The following HPS4 variants were observed in gnomAD, a reference collection of about 807,000 sequenced individuals.
The protein encoded by HPS4 is HPS4 biogenesis of lysosomal organelles complex 3 subunit 2, also known as BLOC-3 complex member HPS4.
A neutral mutation model predicts 70.3 loss-of-function variants in HPS4; 44 were observed. The observed-to-expected ratio is 0.63, with a 90% CI of 0.49 to 0.80. The LOEUF (loss-of-function observed/expected upper bound fraction) is 0.80, where lower values mean the gene tolerates loss of function less well. Among genes scored for constraint, HPS4 ranks in the 30% least tolerant of loss-of-function variants. The pLI is 0.00. For missense variants in HPS4, 873 were observed against 884.4 expected, an observed-to-expected ratio of 0.99 and a Z score of 0.16; for synonymous variants, 377 against 355.9, an observed-to-expected ratio of 1.06 and a Z score of -0.67.
chr22:26,470,373 C>A (rs916760841), intron 7 of HPS4, among the ~76,000 whole-genome samples: 2 of 152,216 alleles, frequency 1.3e-5, no homozygotes, highest in Non-Finnish European at 2.9e-5. Flanking sequence ...CACAGCAGGC[C>A]CCTTCCATGC....
chr22:26,479,904 A>C (rs1185487085), intron 2 of HPS4, among the ~76,000 whole-genome samples: 2 of 152,216 alleles, frequency 1.3e-5, no homozygotes, highest in Non-Finnish European at 2.9e-5. Context: ...TAACAGGGAA[A>C]AAACAGGGGC....
At chr22:26,479,072 A>G (rs904425531) in intron 3 of HPS4, among the ~76,000 whole-genome samples, 193 bp downstream of exon 3, 2 of 152,240 alleles carry the variant, frequency 1.3e-5, no homozygotes, top group African/African-American at 4.8e-5. Flanking sequence ...AAAGCTAAAG[A>G]CGATGAAAGT....
downstream of HPS4, among the ~76,000 whole-genome samples, chr22:26,450,807 G>A (rs1384151872): frequency 6.6e-6 from 1 of 152,200 alleles, no homozygotes; most frequent in Non-Finnish European, 1.5e-5. Context: ...GGATGTGTTT[G>A]GTTCCCCTTC....
chr22:26,471,385 G>A (rs1244505721), intron 6 of HPS4: 1 of 456,106 alleles, frequency 2.2e-6, no homozygotes, highest in Non-Finnish European at 4.4e-6. Context: ...GGGCCTAGAA[G>A]TCCCTAAAAA....
intron 4 of HPS4, among the ~76,000 whole-genome samples, chr22:26,473,477 T>TA (rs1476909569): frequency 6.6e-6 from 1 of 152,152 alleles, no homozygotes; most frequent in Admixed American, 6.5e-5. Context: ...CCACAGAAGA[T>TA]AAATACTTGG....
intron 11 of HPS4, among the ~76,000 whole-genome samples, chr22:26,462,939 T>C (rs1281079930): frequency 6.6e-6 from 1 of 152,246 alleles, no homozygotes; most frequent in Non-Finnish European, 1.5e-5. Context: ...AGGAAGCTGC[T>C]GTGCAGTCTT....
chr22:26,446,718 C>T (rs1307947441), downstream of HPS4, among the ~76,000 whole-genome samples: 1 of 152,090 alleles, frequency 6.6e-6, no homozygotes, highest in East Asian at 1.9e-4. Context: ...CTCTAGAGGA[C>T]AGTCACTGTT....
At chr22:26,470,894 G>C (rs765864973) in intron 6 of HPS4, 81 bp from the exon 7 acceptor site, 2 of 1,582,678 alleles carry the variant, frequency 1.3e-6, no homozygotes, top group Non-Finnish European at 1.7e-6. Flanking sequence ...GGGTTGTACA[G>C]AACAGCTGGA....
At position 26,477,216 on chromosome 22, in the gene HPS4, T is replaced by C. The variant is rs940621988; in HGVS notation, c.133-80A>G. On this transcript the variant is annotated intron_variant, in intron 3 of 13. Coordinates refer to ENST00000398145, the MANE Select transcript of HPS4 (RefSeq NM_022081.6). Reference sequence around the variant, plus strand: ...TCATTTCTTACAGCATACTAAAGCCTGCAAGCCAAATCCAGTCTGTTACCC... The same window carrying C: ...TCATTTCTTACAGCATACTAAAGCCCGCAAGCCAAATCCAGTCTGTTACCC... 8 of 1,490,300 alleles carry C rather than the reference T, an allele frequency of 5.4e-6. No homozygotes were observed. The South Asian group carries it at 5.7e-5, about 11-fold the overall frequency. The allele number at this position is 1,490,300 out of a possible 1,614,324, so 92.3% of individuals were successfully genotyped here. A position where few individuals can be genotyped will look rare whatever the true frequency, so the allele number is the denominator to read the frequency against.
intron 11 of HPS4, among the ~76,000 whole-genome samples, chr22:26,462,121 C>T (rs2087403251): frequency 1.2e-5 from 1 of 85,150 alleles, no homozygotes; most frequent in African/African-American, 4.0e-5. Flanking sequence ...AGCGGAACTC[C>T]ATCTCAAAAA....
intron 3 of HPS4, among the ~76,000 whole-genome samples, chr22:26,478,505 AGCAT>A (rs1200045064): frequency 6.9e-6 from 1 of 145,826 alleles, no homozygotes; most frequent in Non-Finnish European, 1.5e-5. Flanking sequence ...CGGGAGGTGG[AGCAT>A]GCAGTGAGCA....
At position 26,463,769 on chromosome 22, in the gene HPS4, T is replaced by A. The variant is rs926887166; in HGVS notation, c.1713+148A>T. On this transcript the variant is annotated intron_variant, in intron 11 of 13. Transcript: ENST00000398145. ...CCCACAGAGGCAGGTAATACCTCCA[T>A]CGTCTAAACAAGAACGTCTTGCCCA... is the stretch of plus-strand genomic sequence containing the variant. 1.1e-5 allele frequency: 9 copies of A among 811,820 alleles called. No individual in the cohort carries two copies. In the Admixed American group the frequency reaches 1.1e-4, roughly 10 times the overall value. 50.3% of individuals were successfully genotyped at this position (811,820 alleles called of 1,614,324 possible).
intron 2 of HPS4, chr22:26,479,572 G>C: frequency 7.3e-7 from 1 of 1,374,924 alleles, no homozygotes; most frequent in Non-Finnish European, 9.4e-7. Flanking sequence ...CTATCCAGCC[G>C]TTAGACCATC....
chr22:26,467,324 G>C (rs960875333), intron 8 of HPS4: 3 of 152,216 alleles, frequency 2.0e-5, no homozygotes, highest in African/African-American at 7.2e-5. Flanking sequence ...ACTTGGTTCT[G>C]CTATTATAGC....
Position 26,481,857 on chromosome 22 carries a change from C to A in HPS4, c.-95G>T. The A allele has an allele frequency of 8.2e-7, 1 of 1,220,870 alleles. No individual in the cohort carries two copies. Among genetic ancestry groups the A allele is most frequent in the Non-Finnish European group, 1.2e-6 (1 of 822,900 alleles). 75.6% of individuals were successfully genotyped at this position (1,220,870 alleles called of 1,614,324 possible). A position where few individuals can be genotyped will look rare whatever the true frequency, so the allele number is the denominator to read the frequency against. ...TGTGACCGTTCCTCTATCCCCCAAT[C>A]CAGTGAATCTGGACGTGGTAGGTTT... On this transcript the variant is annotated 5_prime_UTR_variant, in exon 2 of 14. Transcript: ENST00000398145.
intron 1 of HPS4, among the ~76,000 whole-genome samples, chr22:26,483,375 G>T (rs1453554232): frequency 6.6e-6 from 1 of 152,236 alleles, no homozygotes; most frequent in Non-Finnish European, 1.5e-5. Context: ...AGCCTGGGAA[G>T]TAATAGTAAC....
chr22:26,462,962 G>GACTAGCT (rs1478594139), intron 11 of HPS4, among the ~76,000 whole-genome samples: 1 of 152,182 alleles, frequency 6.6e-6, no homozygotes, highest in Admixed American at 6.5e-5. Flanking sequence ...CTCTTCTTCT[G>GACTAGCT]TATTTCAAGG....
Position 26,453,915 on chromosome 22 carries a change from G to A in HPS4, c.1956-511C>T, listed in dbSNP as rs1015278691. On this transcript the variant is annotated intron_variant, in intron 13 of 13. Transcript: ENST00000398145. ...CTGCTCTCCACACTGGGGGTGGCTG[G>A]ATAGACTGAGAGGGAGTGAAGGACA... 5 of 191,998 alleles carry A rather than the reference G, an allele frequency of 2.6e-5. No homozygotes were observed. In the East Asian group the frequency reaches 6.7e-4, roughly 26 times the overall value. The allele number at this position is 191,998 out of a possible 1,614,324, so 11.9% of individuals were successfully genotyped here. A position where few individuals can be genotyped will look rare whatever the true frequency, so the allele number is the denominator to read the frequency against.
At chr22:26,476,518 T>C (rs1434848790) in intron 4 of HPS4, 1 of 165,386 alleles carries the variant, frequency 6.0e-6, no homozygotes, top group Non-Finnish European at 1.3e-5. Context: ...GGTTAATTTT[T>C]AAATTTTTTA....
Sources: allele counts gnomAD v4.1 joint callset (sites outside exome capture counted in the v4.1 genomes callset), GRCh38; gene constraint gnomAD v4.1.1; transcripts MANE v1.5; gene names NCBI Gene and HGNC (gene_info 2026-07-23, HGNC 2026-07-21).